The following TIAM1 variants were observed in gnomAD, a reference collection of about 807,000 sequenced individuals.
The protein encoded by TIAM1 is TIAM Rac1 associated GEF 1.
A neutral mutation model predicts 163.5 loss-of-function variants in TIAM1; 65 were observed. The ratio of observed to expected loss-of-function variants is 0.40; its 90% confidence interval spans 0.33 to 0.49. The LOEUF (loss-of-function observed/expected upper bound fraction) is 0.49. Ranked by LOEUF, TIAM1 falls within the 20% of genes least tolerant of loss-of-function variation. The probability of loss-of-function intolerance (pLI) is 0.77; values close to 1 mark genes in which losing one functional copy is unlikely to be tolerated. For synonymous variants in TIAM1, 833 were observed against 810.1 expected, an observed-to-expected ratio of 1.03 and a Z score of -0.48; for missense variants, 1,789 against 2,044.7, an observed-to-expected ratio of 0.87 and a Z score of 2.41.
rs555331688 is a variant in TIAM1, at chr21:31,275,979, C to G, written c.-12+753G>C. Among the ~76,000 whole-genome samples, 9 of 152,248 alleles carry G rather than the reference C, an allele frequency of 5.9e-5. No homozygotes were observed. The South Asian group carries it at 1.0e-3, about 18-fold the overall frequency. ...TCATTACCCTTCTATGACTTGAAAA[C>G]AGGCCTCCAAAACTGCAGGAGAAAG... On this transcript the variant is annotated intron_variant, in intron 3 of 27. Transcript: ENST00000541036.
intron 10 of TIAM1, among the ~76,000 whole-genome samples, chr21:31,211,068 G>GT (rs1417128671): frequency 1.3e-5 from 2 of 152,006 alleles, no homozygotes; most frequent in African/African-American, 4.8e-5. Flanking sequence ...AGACAATTCA[G>GT]TTTTCTGGAG....
intron 2 of TIAM1, among the ~76,000 whole-genome samples, chr21:31,328,520 G>A (rs560678984): frequency 4.4e-4 from 67 of 151,908 alleles, no homozygotes; most frequent in Non-Finnish European, 8.8e-4. Context: ...ACAGGCACAC[G>A]GCACCACGAC....
intron 1 of TIAM1, among the ~76,000 whole-genome samples, chr21:31,514,630 T>C (rs376616252): frequency 5.9e-4 from 90 of 152,120 alleles, no homozygotes; most frequent in African/African-American, 2.0e-3. Context: ...GAGGTGGAGA[T>C]TGCAGTGAGC....
At chr21:31,195,729 A>G (rs2085814891) in intron 12 of TIAM1, among the ~76,000 whole-genome samples, 1 of 152,240 alleles carries the variant, frequency 6.6e-6, no homozygotes, top group Admixed American at 6.5e-5. Flanking sequence ...ACAAATAAGT[A>G]GAGACAAATG....
intron 16 of TIAM1, among the ~76,000 whole-genome samples, chr21:31,161,494 T>C (rs1293472388): frequency 6.6e-6 from 1 of 152,066 alleles, no homozygotes; most frequent in Non-Finnish European, 1.5e-5. Context: ...ACCACCACGC[T>C]CAACAACAAG....
At position 31,344,241 on chromosome 21, in the gene TIAM1, G is replaced by GA. The variant is rs2076101797; in HGVS notation, c.-473dup. On this transcript the variant is annotated 5_prime_UTR_variant, in exon 1 of 28. Coordinates refer to ENST00000541036, the MANE Select transcript of TIAM1 (RefSeq NM_001353694.2). ...CAGCAGCCTTCCCCGGCTGCTGGCG[G>GA]AGGCAGTGGGTGTAACTTGTGAAGT... The GA allele has an allele frequency of 6.6e-6, 1 of 152,352 alleles. No individual in the cohort carries two copies. Among genetic ancestry groups the GA allele is most frequent in the Non-Finnish European group, 1.5e-5 (1 of 68,058 alleles). The allele number at this position is 152,352 out of a possible 1,614,324, so 9.4% of individuals were successfully genotyped here.
At chr21:31,229,474 A>T (rs2088270921) in intron 6 of TIAM1, among the ~76,000 whole-genome samples, 2 of 152,188 alleles carry the variant, frequency 1.3e-5, no homozygotes, top group East Asian at 3.9e-4. Context: ...TTACAAAACT[A>T]CAAAGGAAGT....
At chr21:31,533,062 T>C (rs2048021154) in intron 1 of TIAM1, among the ~76,000 whole-genome samples, 1 of 152,242 alleles carries the variant, frequency 6.6e-6, no homozygotes, top group Admixed American at 6.5e-5. Context: ...TAATCATGCC[T>C]GTAATCTCAG....
At chr21:31,470,296 C>T (rs994438153) in intron 1 of TIAM1, among the ~76,000 whole-genome samples, 4 of 151,668 alleles carry the variant, frequency 2.6e-5, no homozygotes, top group African/African-American at 9.7e-5. Context: ...TGAGCTCCCA[C>T]GCCAGGCTGA....
intron 14 of TIAM1, among the ~76,000 whole-genome samples, chr21:31,183,729 C>T (rs1283978228): frequency 6.7e-6 from 1 of 149,950 alleles, no homozygotes; most frequent in Non-Finnish European, 1.5e-5. Flanking sequence ...GAGTCTCACT[C>T]TGTTGCCCAG....
At chr21:31,550,884 G>GTCAGTAATA (rs1188850762) in intron 1 of TIAM1, among the ~76,000 whole-genome samples, 1 of 152,148 alleles carries the variant, frequency 6.6e-6, no homozygotes, top group Non-Finnish European at 1.5e-5. Context: ...AAAGGTCTAT[G>GTCAGTAATA]TCAGTAATAT....
At chr21:31,511,815 C>A (rs1221135638) in intron 1 of TIAM1, among the ~76,000 whole-genome samples, 1 of 152,152 alleles carries the variant, frequency 6.6e-6, no homozygotes, top group Non-Finnish European at 1.5e-5. Context: ...TAAAATGTCC[C>A]AAACTTACAC....
intron 1 of TIAM1, among the ~76,000 whole-genome samples, chr21:31,557,903 C>G (rs886075416): frequency 3.3e-5 from 5 of 151,968 alleles, no homozygotes; most frequent in African/African-American, 9.7e-5. Flanking sequence ...GGCTGGGACA[C>G]GGGCGCCCCC....
At chr21:31,374,853 T>A (rs2076657444) in intron 2 of TIAM1, among the ~76,000 whole-genome samples, 1 of 152,236 alleles carries the variant, frequency 6.6e-6, no homozygotes, top group African/African-American at 2.4e-5. Context: ...GTTATTCCTC[T>A]GGGCCATTAA....
upstream of TIAM1, among the ~76,000 whole-genome samples, chr21:31,346,562 C>T (rs1031089154): frequency 2.0e-5 from 3 of 152,122 alleles, no homozygotes; most frequent in Non-Finnish European, 2.9e-5. Flanking sequence ...AATCAGAGAT[C>T]GCGTACTTCG....
At chr21:31,267,108 G>T in intron 3 of TIAM1, 125 bp from the exon 4 acceptor site, 1 of 1,328,256 alleles carries the variant, frequency 7.5e-7, no homozygotes, top group Non-Finnish European at 1.0e-6. Flanking sequence ...TGTTAGGTAA[G>T]TAACAGCACA....
chr21:31,120,144 C>A lies in TIAM1; in HGVS notation c.*224G>T. ...ATAAATAAAAGCCCTTAGTAATATA[C>A]AGAAGATAGGACTCAAGCTTATTTG... On this transcript the variant is annotated 3_prime_UTR_variant, in exon 28 of 28. Coordinates refer to ENST00000541036, the MANE Select transcript of TIAM1 (RefSeq NM_001353694.2). The surrounding 1 kb of genome is among the most constrained non-coding windows in gnomAD (Gnocchi z 4.2). 1.9e-6 allele frequency: 1 copy of A among 527,426 alleles called. No homozygotes were observed. The highest frequency in any genetic ancestry group is 3.1e-5 in the South Asian group (1 of 32,630). The allele number at this position is 527,426 out of a possible 1,614,324, so 32.7% of individuals were successfully genotyped here.
intron 1 of TIAM1, among the ~76,000 whole-genome samples, chr21:31,534,852 T>A (rs754564383): frequency 6.6e-6 from 1 of 152,174 alleles, no homozygotes; most frequent in Non-Finnish European, 1.5e-5. Context: ...CCAGGCATGG[T>A]GCAAACACTT....
At chr21:31,161,036 TGTGTGTG>T (rs1286632391) in intron 16 of TIAM1, 3 of 3,124 alleles carry the variant, frequency 9.6e-4, no homozygotes, top group African/African-American at 2.9e-3. Flanking sequence ...TAAGAAAAGT[TGTGTGTG>T]TGTGTGTGTG....
Sources: gnomAD v4.1 joint callset for allele counts (sites outside exome capture counted in the v4.1 genomes callset) on GRCh38, gnomAD v4.1.1 for gene constraint, Gnocchi (gnomAD v3.1) non-coding constraint, MANE v1.5 for transcripts, NCBI Gene and HGNC (gene_info 2026-07-23, HGNC 2026-07-21) for gene names.